ZFHX3: variants seen among roughly 807,000 people sequenced by gnomAD.
ZFHX3 encodes zinc finger homeobox 3, also known as zinc finger homeobox protein 3.
In ZFHX3, 42 loss-of-function variants were observed where a neutral mutation model predicts 279.1. That is an observed-to-expected ratio of 0.15 (90% CI 0.12 to 0.19). ZFHX3 has a LOEUF of 0.19. Ranked by LOEUF, ZFHX3 falls within the 10% of genes least tolerant of loss-of-function variation. ZFHX3 has a pLI of 1.00. For missense variants in ZFHX3, 4,981 were observed against 4,754.0 expected, an observed-to-expected ratio of 1.05 and a Z score of -1.40; for synonymous variants, 2,293 against 1,957.8, an observed-to-expected ratio of 1.17 and a Z score of -4.52.
At chr16:73,207,349 C>T (rs1207146480) in intron 5 of ZFHX3, among the ~76,000 whole-genome samples, 1 of 152,164 alleles carries the variant, frequency 6.6e-6, no homozygotes, top group Non-Finnish European at 1.5e-5. Context: ...TCTTAAATTA[C>T]AGGGCACAAA....
chr16:73,380,573 T>C (rs1344838643), intron 3 of ZFHX3, among the ~76,000 whole-genome samples: 3 of 152,162 alleles, frequency 2.0e-5, no homozygotes, highest in Non-Finnish European at 4.4e-5. Context: ...GTAAAGATAG[T>C]AAAGATGAAT....
chr16:73,019,796 T>C (rs1964239155), intron 1 of ZFHX3, among the ~76,000 whole-genome samples: 1 of 152,172 alleles, frequency 6.6e-6, no homozygotes, highest in East Asian at 1.9e-4. Flanking sequence ...CCTTTCTCTA[T>C]GGCTTCTTCA....
chr16:73,778,262 A>AAAAAAAAAAAAAAT (rs1959329212), intron 1 of ZFHX3, among the ~76,000 whole-genome samples: 1 of 141,630 alleles, frequency 7.1e-6, no homozygotes, highest in Admixed American at 7.1e-5. Context: ...AAAAAAAAAA[A>AAAAAAAAAAAAAAT]GCATTGGACT....
chr16:73,640,112 C>T (rs1310998629), intron 2 of ZFHX3, among the ~76,000 whole-genome samples: 1 of 152,122 alleles, frequency 6.6e-6, no homozygotes, highest in African/African-American at 2.4e-5. Context: ...AGTATTTAAG[C>T]AGAAGTGACT....
chr16:73,752,460 C>A (rs1384896477), intron 1 of ZFHX3, among the ~76,000 whole-genome samples: 1 of 152,102 alleles, frequency 6.6e-6, no homozygotes, highest in Non-Finnish European at 1.5e-5. Flanking sequence ...AAAATGGCAC[C>A]CATACTCTGT....
chr16:73,430,961 C>T lies in ZFHX3; in HGVS notation c.-1291+25042G>A, dbSNP rs148839859. Among the ~76,000 whole-genome samples, 7 of 152,282 alleles carry T rather than the reference C, an allele frequency of 4.6e-5. No homozygotes were observed. In the East Asian group the frequency reaches 1.4e-3, roughly 29 times the overall value. On this transcript the variant is annotated intron_variant, in intron 3 of 17. Transcript: ENST00000641206. ...GGTCAGCTAGTGGGTCACAATTGTG[C>T]CTGCTCTAGAACATAAGGTGTGGAT...
At chr16:73,732,397 A>G (rs979691894) in intron 1 of ZFHX3, among the ~76,000 whole-genome samples, 2 of 152,244 alleles carry the variant, frequency 1.3e-5, no homozygotes, top group African/African-American at 4.8e-5. Flanking sequence ...AAACAGTGAA[A>G]TACAAACAGA....
At chr16:73,549,098 C>T (rs562494084) in intron 2 of ZFHX3, among the ~76,000 whole-genome samples, 8 of 152,162 alleles carry the variant, frequency 5.3e-5, no homozygotes, top group Non-Finnish European at 1.2e-4. Flanking sequence ...TCTTTTGATA[C>T]GCTTTTAAAA....
At chr16:73,777,104 A>T (rs1158832603) in intron 1 of ZFHX3, among the ~76,000 whole-genome samples, 1 of 152,102 alleles carries the variant, frequency 6.6e-6, no homozygotes, top group African/African-American at 2.4e-5. Context: ...CATCTAACAC[A>T]TCGATCCTAA....
intron 2 of ZFHX3, among the ~76,000 whole-genome samples, chr16:73,670,814 A>G (rs11149992): frequency 0.5 from 75,352 of 152,076 alleles, 21,409 homozygotes; most frequent in East Asian, 0.83. Flanking sequence ...TTTATAAATG[A>G]AATATTCAAC....
chr16:73,730,931 C>G (rs1232457903), intron 1 of ZFHX3, among the ~76,000 whole-genome samples: 1 of 152,164 alleles, frequency 6.6e-6, no homozygotes, highest in Non-Finnish European at 1.5e-5. Context: ...CTTAGCGGAA[C>G]ATTCCATGTC....
At position 73,442,361 on chromosome 16, in the gene ZFHX3, C is replaced by CTT. The variant is rs34507954; in HGVS notation, c.-1291+13640_-1291+13641dup. Reference sequence around the variant, plus strand: ...TGTCCACATCAGTATCCCATTTCCTCTTTTTTTTTTTTTCTGAGACAGGGT... The same window carrying CTT: ...TGTCCACATCAGTATCCCATTTCCTCTTTTTTTTTTTTTTTCTGAGACAGGGT... On this transcript the variant is annotated intron_variant, in intron 3 of 17. Coordinates refer to the ZFHX3 transcript ENST00000641206. Among the ~76,000 whole-genome samples the CTT allele has an allele frequency of 2.2e-3, 314 of 144,790 alleles. 1 individual carries two copies. Among genetic ancestry groups the CTT allele is most frequent in the African/African-American group, 7.1e-3 (282 of 39,698 alleles). The allele number at this position is 144,790 out of a possible 152,430, so 95.0% of individuals were successfully genotyped here.
chr16:73,303,324 G>T (rs940933222), intron 4 of ZFHX3, among the ~76,000 whole-genome samples: 1 of 152,128 alleles, frequency 6.6e-6, no homozygotes, highest in African/African-American at 2.4e-5. Flanking sequence ...CATTATGTTG[G>T]GCCGAGCAAT....
At chr16:73,338,239 AGG>A (rs886947957) in intron 3 of ZFHX3, among the ~76,000 whole-genome samples, 1 of 152,046 alleles carries the variant, frequency 6.6e-6, no homozygotes, top group Non-Finnish European at 1.5e-5. Context: ...ACACCATGCT[AGG>A]CAGCCCCTAA....
intron 4 of ZFHX3, among the ~76,000 whole-genome samples, chr16:72,883,731 CT>C (rs938783382): frequency 2.0e-5 from 3 of 152,184 alleles, no homozygotes; most frequent in African/African-American, 7.2e-5. Context: ...AGGGAATGTC[CT>C]TTAGACAGAT....
intron 3 of ZFHX3, among the ~76,000 whole-genome samples, chr16:73,423,508 A>G (rs1489482702): frequency 6.6e-6 from 1 of 152,142 alleles, no homozygotes; most frequent in African/African-American, 2.4e-5. Context: ...AGGTCTGGTC[A>G]TTTGTCCCAA....
intron 2 of ZFHX3, chr16:73,543,865 GGAGAGAGAGAGCGAGAGAGGGA>G (rs1256874113): frequency 7.1e-6 from 1 of 141,018 alleles, no homozygotes; most frequent in African/African-American, 2.7e-5. Flanking sequence ...AGAGAGAGAG[GGAGAGAGAGAGCGAGAGAGGGA>G]GAGAGAGAGA....
intron 3 of ZFHX3, among the ~76,000 whole-genome samples, chr16:73,322,595 G>C (rs958359780): frequency 1.3e-5 from 2 of 152,112 alleles, no homozygotes; most frequent in East Asian, 3.9e-4. Context: ...CCTTGGCTTG[G>C]GAAGTGTTTT....
chr16:72,975,220 T>TC (rs1218823468), intron 1 of ZFHX3, among the ~76,000 whole-genome samples: 1 of 152,146 alleles, frequency 6.6e-6, no homozygotes, highest in Non-Finnish European at 1.5e-5. Flanking sequence ...GGTGGGCGGA[T>TC]CACTGGAGGT....
Sources: allele counts gnomAD v4.1 joint callset (sites outside exome capture counted in the v4.1 genomes callset), GRCh38; gene constraint gnomAD v4.1.1; transcripts MANE v1.5; gene names NCBI Gene and HGNC (gene_info 2026-07-23, HGNC 2026-07-21).